The following LYZL2 variants were observed in gnomAD, a reference collection of about 807,000 sequenced individuals.
The protein encoded by LYZL2 is lysozyme like 2.
In LYZL2, 13 loss-of-function variants were observed where a neutral mutation model predicts 17.1. That is an observed-to-expected ratio of 0.76 (90% CI 0.49 to 1.21). The LOEUF (loss-of-function observed/expected upper bound fraction) is 1.21, where lower values mean the gene tolerates loss of function less well. LYZL2 is among the 50% of genes most tolerant of loss of function. The probability of loss-of-function intolerance (pLI) is 0.00; values close to 1 mark genes in which losing one functional copy is unlikely to be tolerated. For missense variants in LYZL2, 166 were observed against 189.2 expected, an observed-to-expected ratio of 0.88 and a Z score of 0.72; for synonymous variants, 63 against 74.4, an observed-to-expected ratio of 0.85 and a Z score of 0.79.
rs9954 is a variant in LYZL2 at position 30,612,827 on chromosome 10, G to A, written c.372C>T (p.Asn124=). Residue 124 remains asparagine, a synonymous_variant, in exon 4 of 5, where the codon AAC becomes AAT. Coordinates refer to ENST00000647634, the MANE Select transcript of LYZL2 (RefSeq NM_183058.3). ...KKIVKETQGM[N]YWQGWKKHCE... ...TTCCAAGGAAAGACTCTTACCAATA[G>A]TTCATTCCTTGTGTCTCTTTAACAA... 0.53 allele frequency: 846,910 copies of A among 1,606,042 alleles called. 230,243 individuals are homozygous for A. Among genetic ancestry groups the A allele is most frequent in the Non-Finnish European group, 0.56 (656,697 of 1,173,036 alleles).
At chr10:30,619,235 T>G (rs1035063247) in intron 3 of LYZL2, among the ~76,000 whole-genome samples, 1 of 152,192 alleles carries the variant, frequency 6.6e-6, no homozygotes, top group African/African-American at 2.4e-5. Flanking sequence ...GGTGGGACTG[T>G]AAACTAGTTC....
At chr10:30,622,621 G>T (rs964688506) in intron 3 of LYZL2, among the ~76,000 whole-genome samples, 1 of 152,070 alleles carries the variant, frequency 6.6e-6, no homozygotes, top group African/African-American at 2.4e-5. Context: ...AATGCAAACG[G>T]CCTAATCATG....
chr10:30,611,788 A>G lies in LYZL2; in HGVS notation c.*167T>C. On this transcript the variant is annotated 3_prime_UTR_variant, in exon 5 of 5. Coordinates refer to ENST00000647634, the MANE Select transcript of LYZL2 (RefSeq NM_183058.3). Reference sequence around the variant, plus strand: ...AGAAAAGGGAACCGAGTCAGGGTGAAGACATTTAAATGGAAATATTTATTT... The same window carrying G: ...AGAAAAGGGAACCGAGTCAGGGTGAGGACATTTAAATGGAAATATTTATTT... The G allele has an allele frequency of 8.6e-7, 1 of 1,167,782 alleles. No homozygotes were observed. Among genetic ancestry groups the G allele is most frequent in the Non-Finnish European group, 1.2e-6 (1 of 832,802 alleles). The allele number at this position is 1,167,782 out of a possible 1,614,324, so 72.3% of individuals were successfully genotyped here.
At position 30,613,886 on chromosome 10, in the gene LYZL2, T is replaced by C. The variant is rs544366468; in HGVS notation, c.299-986A>G. ...ATGCACCACCACGCCTGACCATTTT[T>C]TATTTTTATTTTTGTAGAGACAGGG... On this transcript the variant is annotated intron_variant, in intron 3 of 4. Coordinates refer to ENST00000647634, the MANE Select transcript of LYZL2 (RefSeq NM_183058.3). Among the ~76,000 whole-genome samples the C allele has an allele frequency of 2.0e-5, 3 of 152,210 alleles. No individual in the cohort carries two copies. In the South Asian group the frequency reaches 6.2e-4, roughly 32 times the overall value.
chr10:30,607,250 T>C (rs1838388187), downstream of LYZL2, among the ~76,000 whole-genome samples: 1 of 147,350 alleles, frequency 6.8e-6, no homozygotes, highest in Non-Finnish European at 1.5e-5. Flanking sequence ...AAATATTTTC[T>C]ACCCTACAAA....
Position 30,626,280 on chromosome 10 carries a change from C to T in LYZL2, c.140-17G>A, listed in dbSNP as rs1227600939. 1.1e-5 allele frequency: 17 copies of T among 1,611,990 alleles called. No homozygotes were observed. The highest frequency in any genetic ancestry group is 1.4e-5 in the Non-Finnish European group (17 of 1,178,838). On this transcript the variant is annotated splice_polypyrimidine_tract_variant and intron_variant, in intron 2 of 4. Coordinates refer to ENST00000647634, the MANE Select transcript of LYZL2 (RefSeq NM_183058.3). ...TGCAGATCCCTGGAGGGGGGAAAGC[C>T]AGAAACGCCAGCAAAGGAGGTGCCA...
chr10:30,622,484 G>A (rs61844261), intron 3 of LYZL2, among the ~76,000 whole-genome samples: 21,679 of 150,714 alleles, frequency 0.14, 1,692 homozygotes, highest in East Asian at 0.24. Context: ...AGGAGGCAGA[G>A]GGTGCAATGA....
downstream of LYZL2, among the ~76,000 whole-genome samples, chr10:30,611,472 C>G (rs2132931037): frequency 7.3e-6 from 1 of 137,186 alleles, no homozygotes; most frequent in East Asian, 2.2e-4. Context: ...GCACTCCAGC[C>G]TGGGGGACAG....
At chr10:30,629,362 C>G (rs1330033841) in intron 1 of LYZL2, among the ~76,000 whole-genome samples, 6 of 150,852 alleles carry the variant, frequency 4.0e-5, no homozygotes, top group African/African-American at 1.5e-4. Context: ...CCACTGCACT[C>G]CAGCCTGGGC....
At chr10:30,627,126 G>T (rs1202907484) in intron 1 of LYZL2, among the ~76,000 whole-genome samples, 186 bp from the exon 2 acceptor site, 1 of 152,136 alleles carries the variant, frequency 6.6e-6, no homozygotes, top group African/African-American at 2.4e-5. Flanking sequence ...TCTCCTTAAT[G>T]CTTTTCCATA....
At chr10:30,614,719 G>C (rs1179335258) in intron 3 of LYZL2, among the ~76,000 whole-genome samples, 2 of 152,144 alleles carry the variant, frequency 1.3e-5, no homozygotes, top group African/African-American at 2.4e-5. Context: ...GATACTTGCT[G>C]GTGGGAGTAT....
intron 2 of LYZL2, 82 bp from the exon 3 acceptor site, chr10:30,626,345 T>C: frequency 6.4e-7 from 1 of 1,568,972 alleles, no homozygotes; most frequent in Non-Finnish European, 8.6e-7. Context: ...AGTTTCCTCA[T>C]CCCTGTTACC....
downstream of LYZL2, among the ~76,000 whole-genome samples, chr10:30,611,530 AGAAGGAAGGAAG>A (rs762109748): frequency 3.5e-3 from 282 of 80,414 alleles, 9 homozygotes; most frequent in East Asian, 0.014. Flanking sequence ...GGAAAAAGAA[AGAAGGAAGGAAG>A]GAAGGAAGGA....
Position 30,626,034 on chromosome 10 carries a change from G to A in LYZL2, c.298+71C>T, listed in dbSNP as rs111510645. ...CCAAATTTTAGTTAAAGCAAGACAT[G>A]GTTGGTGATCCCATTGTCGGCTTTC... On this transcript the variant is annotated intron_variant, in intron 3 of 4. Transcript: ENST00000647634. 235 of 1,559,988 alleles carry A rather than the reference G, an allele frequency of 1.5e-4. 1 individual carries two copies. In the African/African-American group the frequency reaches 2.6e-3, roughly 17 times the overall value.
intron 3 of LYZL2, among the ~76,000 whole-genome samples, chr10:30,620,280 G>C (rs797006046): frequency 6.6e-5 from 10 of 152,196 alleles, no homozygotes; most frequent in African/African-American, 1.9e-4. Flanking sequence ...TGCACCAAGA[G>C]GATCGCCCAG....
At chr10:30,622,564 G>GAA (rs143501802) in intron 3 of LYZL2, among the ~76,000 whole-genome samples, 36 of 150,182 alleles carry the variant, frequency 2.4e-4, no homozygotes, top group Non-Finnish European at 4.3e-4. Context: ...AACAAAAAAA[G>GAA]AAAAAAAAAG....
chr10:30,606,901 A>C (rs1006609816), downstream of LYZL2, among the ~76,000 whole-genome samples: 3 of 122,240 alleles, frequency 2.5e-5, no homozygotes, highest in Non-Finnish European at 5.1e-5. Flanking sequence ...ATCAGCTTTC[A>C]TACTTTTGGT....
chr10:30,611,718 G>GAAAGAAAGAAAGAAAGAAAGAAAGA (rs1554785015), downstream of LYZL2: 24 of 467,138 alleles, frequency 5.1e-5, no homozygotes, highest in African/African-American at 5.0e-4. Context: ...AAGAAAGAAA[G>GAAAGAAAGAAAGAAAGAAAGAAAGA]AAAGAAAAGA....
At chr10:30,623,868 A>G (rs1296145655) in intron 3 of LYZL2, among the ~76,000 whole-genome samples, 1 of 152,136 alleles carries the variant, frequency 6.6e-6, no homozygotes, top group Non-Finnish European at 1.5e-5. Flanking sequence ...TCTTCCACAG[A>G]CTGTTCCCTG....
Sources: allele counts gnomAD v4.1 joint callset (sites outside exome capture counted in the v4.1 genomes callset), GRCh38; gene constraint gnomAD v4.1.1; transcripts MANE v1.5; gene names NCBI Gene and HGNC (gene_info 2026-07-23, HGNC 2026-07-21).